MRPS35: variants seen among roughly 807,000 people sequenced by gnomAD.
MRPS35 encodes small ribosomal subunit protein mS35.
MRPS35 carries 29 observed loss-of-function variants against 32.7 expected under a neutral mutation model. The observed-to-expected ratio is 0.89, with a 90% CI of 0.66 to 1.21. The LOEUF (loss-of-function observed/expected upper bound fraction) is 1.21. Among genes scored for constraint, MRPS35 ranks in the 50% most tolerant of loss-of-function variants. The pLI is 0.00. For missense variants in MRPS35, 373 were observed against 383.8 expected (o/e 0.97, Z 0.23); for synonymous variants, 148 against 139.3 (o/e 1.06, Z -0.44).
chr12:27,731,689 C>T (rs1366288000), intron 5 of MRPS35, among the ~76,000 whole-genome samples: 4 of 152,168 alleles, frequency 2.6e-5, no homozygotes, highest in Non-Finnish European at 1.5e-5. Context: ...CTGCTTCAGC[C>T]TCCCAAGTAG....
Position 27,719,887 on chromosome 12 carries a change from A to G in MRPS35, c.382+19A>G. The G allele has an allele frequency of 6.5e-7, 1 of 1,541,970 alleles. No individual in the cohort carries two copies. Among genetic ancestry groups the G allele is most frequent in the Non-Finnish European group, 8.9e-7 (1 of 1,117,572 alleles). On this transcript the variant is annotated intron_variant, in intron 4 of 7. Coordinates refer to ENST00000081029, the MANE Select transcript of MRPS35 (RefSeq NM_021821.4). ...CTTAAAGGTAAGTGGTTATTTTCTTATATGAATTTTATATTGACTTTGAAC... is the reference window on the plus strand; with the variant it reads ...CTTAAAGGTAAGTGGTTATTTTCTTGTATGAATTTTATATTGACTTTGAAC...
intron 5 of MRPS35, among the ~76,000 whole-genome samples, chr12:27,731,199 G>A (rs1411115650): frequency 6.6e-6 from 1 of 151,948 alleles, no homozygotes; most frequent in Non-Finnish European, 1.5e-5. Flanking sequence ...TTATTTTCTG[G>A]CACTACAAAA....
intron 7 of MRPS35, among the ~76,000 whole-genome samples, chr12:27,748,784 C>T (rs1192704370): frequency 6.6e-6 from 1 of 152,000 alleles, no homozygotes; most frequent in Non-Finnish European, 1.5e-5. Flanking sequence ...AATCCTCCCA[C>T]CTTAGCCTTC....
intron 1 of MRPS35, among the ~76,000 whole-genome samples, chr12:27,711,943 A>C (rs1360789323): frequency 6.7e-6 from 1 of 149,470 alleles, no homozygotes; most frequent in Non-Finnish European, 1.5e-5. Context: ...TGTTCTAGAC[A>C]CTCACCGGAG....
At position 27,749,069 on chromosome 12, in the gene MRPS35, C is replaced by T. The variant is rs145452247; in HGVS notation, c.703-6112C>T. 7.9e-5 allele frequency among the ~76,000 whole-genome samples: 12 copies of T among 152,186 alleles called. No individual in the cohort carries two copies. In the East Asian group the frequency reaches 1.5e-3, roughly 20 times the overall value. On this transcript the variant is annotated intron_variant, in intron 7 of 7. Transcript: ENST00000081029. ...GTAATCATAGCAGGGTTTTAAAAAACGGATTTAAGATGTACACCAAGTGTT... is the reference window on the plus strand; with the variant it reads ...GTAATCATAGCAGGGTTTTAAAAAATGGATTTAAGATGTACACCAAGTGTT...
chr12:27,751,102 C>CAAAAAAAAAAAAAAAAAAAAA (rs71438703), intron 7 of MRPS35, among the ~76,000 whole-genome samples: 4 of 38,140 alleles, frequency 1.0e-4, no homozygotes, highest in Non-Finnish European at 1.3e-4. Flanking sequence ...GACTCCATCT[C>CAAAAAAAAAAAAAAAAAAAAA]AAAAAAAAAA....
At chr12:27,751,974 T>TA (rs2062006170) in intron 7 of MRPS35, among the ~76,000 whole-genome samples, 1 of 152,014 alleles carries the variant, frequency 6.6e-6, no homozygotes, top group South Asian at 2.1e-4. Flanking sequence ...TGCGGTGGCT[T>TA]ACACCCTGTA....
chr12:27,719,046 C>T (rs1225442973), intron 3 of MRPS35, among the ~76,000 whole-genome samples: 1 of 152,080 alleles, frequency 6.6e-6, no homozygotes, highest in African/African-American at 2.4e-5. Flanking sequence ...GAGATTGTGC[C>T]ACTGCACTCC....
At position 27,751,025 on chromosome 12, in the gene MRPS35, C is replaced by T. The variant is rs1266761089; in HGVS notation, c.703-4156C>T. Among the ~76,000 whole-genome samples the T allele has an allele frequency of 2.1e-5, 3 of 142,500 alleles. 1 individual carries two copies. Among genetic ancestry groups the T allele is most frequent in the African/African-American group, 7.8e-5 (3 of 38,458 alleles). The allele number at this position is 142,500 out of a possible 152,430, so 93.5% of individuals were successfully genotyped here. ...GGCTGAGGCGGGAGAATTGCTTGAA[C>T]CCAGGAGGCGGAGGTTGCAGTGAGA... On this transcript the variant is annotated intron_variant, in intron 7 of 7. Coordinates refer to ENST00000081029, the MANE Select transcript of MRPS35 (RefSeq NM_021821.4).
At chr12:27,713,493 G>C (rs1174414131) in intron 1 of MRPS35, among the ~76,000 whole-genome samples, 1 of 152,212 alleles carries the variant, frequency 6.6e-6, no homozygotes, top group African/African-American at 2.4e-5. Flanking sequence ...GGGGCTGCGT[G>C]TACAAGTTCC....
chr12:27,723,390 A>G (rs2061885024), intron 4 of MRPS35, among the ~76,000 whole-genome samples: 1 of 151,672 alleles, frequency 6.6e-6, no homozygotes, highest in Non-Finnish European at 1.5e-5. Flanking sequence ...ACCCAATCCC[A>G]CTTCCTCTCT....
chr12:27,725,252 A>G (rs1351974277), intron 5 of MRPS35, among the ~76,000 whole-genome samples: 1 of 152,190 alleles, frequency 6.6e-6, no homozygotes, highest in Non-Finnish European at 1.5e-5. Context: ...TAACGTATAA[A>G]TGAGAGATTG....
In MRPS35 at chr12:27,710,853, G is replaced by A. The variant is rs113069811; in HGVS notation, c.10G>A (p.Ala4Thr). ...TGCCGTCCTCGCAGCCATGGCGGCC[G>A]CCGCGCTCCCAGCATGGCTGTCTCT... MAA[A>T]ALPAWLSLQS... is the part of the protein sequence containing the mutation. Residue 4 changes from alanine (A) to threonine (T), a missense_variant, in exon 1 of 8, where the codon GCC (alanine) becomes ACC (threonine). By Grantham distance (58) the Ala-to-Thr change is moderately conservative. Coordinates refer to ENST00000081029, the MANE Select transcript of MRPS35 (RefSeq NM_021821.4). 1.9e-6 allele frequency: 3 copies of A among 1,606,584 alleles called. No individual in the cohort carries two copies. Among genetic ancestry groups the A allele is most frequent in the Non-Finnish European group, 2.5e-6 (3 of 1,179,474 alleles).
rs540448934 is a variant in MRPS35 at position 27,724,636 on chromosome 12, C to T, written c.522+450C>T. Among the ~76,000 whole-genome samples the T allele has an allele frequency of 2.4e-3, 370 of 151,814 alleles. 7 individuals are homozygous for T. The highest frequency in any genetic ancestry group is 8.2e-3 in the African/African-American group (341 of 41,390). Reference sequence around the variant, plus strand: ...TGGGCACCTGTAATCCCATCTACTCCGGAGGCTGAGGCAGGAGAATTGCTT... The same window carrying T: ...TGGGCACCTGTAATCCCATCTACTCTGGAGGCTGAGGCAGGAGAATTGCTT... On this transcript the variant is annotated intron_variant, in intron 5 of 7. Transcript: ENST00000081029.
chr12:27,735,346 T>C, intron 5 of MRPS35, 101 bp from the exon 6 acceptor site: 1 of 846,952 alleles, frequency 1.2e-6, no homozygotes, highest in Non-Finnish European at 1.8e-6. Context: ...GAAAGCTTTC[T>C]TTTTAGTGGA....
chr12:27,713,815 C>T (rs1352080273), intron 1 of MRPS35, among the ~76,000 whole-genome samples: 2 of 152,126 alleles, frequency 1.3e-5, no homozygotes, highest in Admixed American at 1.3e-4. Flanking sequence ...TGGCTGGGCA[C>T]AGTGACTCAC....
Position 27,719,120 on chromosome 12 carries a change from T to C in MRPS35, c.322-688T>C, listed in dbSNP as rs556040331. Among the ~76,000 whole-genome samples, 7 of 152,108 alleles carry C rather than the reference T, an allele frequency of 4.6e-5. No individual in the cohort carries two copies. The East Asian group carries it at 9.7e-4, about 21-fold the overall frequency. On this transcript the variant is annotated intron_variant, in intron 3 of 7. Coordinates refer to ENST00000081029, the MANE Select transcript of MRPS35 (RefSeq NM_021821.4). ...GAAAAAAACAAAACAAAAATCCACG[T>C]GCTTAAGTCCTTTCAGTTTTATAAA...
chr12:27,740,778 C>T (rs1455918910), intron 7 of MRPS35, among the ~76,000 whole-genome samples: 1 of 152,180 alleles, frequency 6.6e-6, no homozygotes, highest in Non-Finnish European at 1.5e-5. Context: ...ATAGACATCG[C>T]AAAGCCTAAG....
intron 7 of MRPS35, among the ~76,000 whole-genome samples, chr12:27,738,697 A>G (rs955225932): frequency 1.8e-4 from 27 of 152,196 alleles, no homozygotes; most frequent in Admixed American, 1.6e-3. Context: ...ATTCAAAGGA[A>G]TAAAGTTAGC....
Sources: gnomAD v4.1 joint callset for allele counts (sites outside exome capture counted in the v4.1 genomes callset) on GRCh38, gnomAD v4.1.1 for gene constraint, MANE v1.5 for transcripts, NCBI Gene and HGNC (gene_info 2026-07-23, HGNC 2026-07-21) for gene names.